The following HERC1 variants were observed in gnomAD, a reference collection of about 807,000 sequenced individuals.
The protein encoded by HERC1 is probable E3 ubiquitin-protein ligase HERC1.
In HERC1, 160 loss-of-function variants were observed where a neutral mutation model predicts 554.3. The ratio of observed to expected loss-of-function variants is 0.29; its 90% CI spans 0.25 to 0.33. HERC1 has a LOEUF of 0.33. Ranked by LOEUF, HERC1 falls within the 10% of genes least tolerant of loss-of-function variation. The pLI is 1.00. For missense variants in HERC1, 4,919 were observed against 5,918.5 expected, an observed-to-expected ratio of 0.83 and a Z score of 5.54; for synonymous variants, 2,175 against 2,131.7, an observed-to-expected ratio of 1.02 and a Z score of -0.56.
intron 48 of HERC1, among the ~76,000 whole-genome samples, chr15:63,656,611 C>G (rs2070054046): frequency 6.6e-6 from 1 of 152,144 alleles, no homozygotes; most frequent in Non-Finnish European, 1.5e-5. Flanking sequence ...CAGGAATGTT[C>G]ACAAAGCATA....
intron 71 of HERC1, 132 bp from the exon 72 acceptor site, chr15:63,624,459 G>A (rs990119695): frequency 1.1e-4 from 82 of 719,498 alleles, no homozygotes; most frequent in Non-Finnish European, 1.8e-4. Context: ...CACTTTGGGA[G>A]GCTGTGGTGG....
chr15:63,823,207 A>G (rs1461091661), intron 1 of HERC1, among the ~76,000 whole-genome samples: 9 of 152,088 alleles, frequency 5.9e-5, no homozygotes, highest in Non-Finnish European at 1.3e-4. Context: ...CTGTGTGTCC[A>G]TGTTTTCTCA....
chr15:63,775,320 C>A lies in HERC1; in HGVS notation c.304G>T (p.Ala102Ser). ...AGTACAAGCAGTCGTTTTCTAAGTGCCCCGGCAAATGGGGAATCTGAACAT... is the reference window on the plus strand; with the variant it reads ...AGTACAAGCAGTCGTTTTCTAAGTGACCCGGCAAATGGGGAATCTGAACAT... ...MVCSDSPFAG[A>S]LRKRLLVLQR... is the part of the protein sequence containing the mutation. Residue 102 changes from alanine to serine, a missense_variant, in exon 2 of 78, where the codon GCA becomes TCA. Ala to Ser is a moderately conservative substitution (Grantham distance 99). Coordinates refer to ENST00000443617, the MANE Select transcript of HERC1 (RefSeq NM_003922.4). The surrounding 1 kb of genome is among the most constrained non-coding windows in gnomAD (Gnocchi z 4.0). The A allele has an allele frequency of 6.2e-7, 1 of 1,613,984 alleles. No homozygotes were observed. The highest frequency in any genetic ancestry group is 8.5e-7 in the Non-Finnish European group (1 of 1,179,898).
intron 65 of HERC1, 21 bp downstream of exon 65, chr15:63,635,940 C>A: frequency 6.2e-7 from 1 of 1,610,690 alleles, no homozygotes; most frequent in South Asian, 1.1e-5. Flanking sequence ...GAAAGGCAAA[C>A]TTATCCATTT....
In HERC1 at chr15:63,747,025, C is replaced by A; in HGVS notation, c.2413G>T (p.Ala805Ser). The change falls in exon 12 of 78, where the codon GCA becomes TCA. Residue 805 changes from alanine (A) to serine (S), a missense_variant. Ala to Ser is a moderately conservative substitution (Grantham distance 99). Transcript: ENST00000443617. ...LKLLSNHLAL[A>S]LAGGVATSIL... The stretch of plus-strand genomic sequence containing the variant: ...CTGGTAGCTACCCCTCCCGCAAGTG[C>A]AAGAGCAAGGTGATTTGAAAGTAGC... The A allele has an allele frequency of 1.3e-6, 2 of 1,593,092 alleles. No individual in the cohort carries two copies. Among genetic ancestry groups the A allele is most frequent in the South Asian group, 1.2e-5 (1 of 86,912 alleles).
intron 47 of HERC1, 55 bp downstream of exon 47, chr15:63,659,681 G>A: frequency 3.1e-6 from 4 of 1,287,678 alleles, no homozygotes; most frequent in Non-Finnish European, 4.5e-6. Flanking sequence ...ACCTATCTAA[G>A]AAACAAATTA....
At chr15:63,664,395 CT>C in intron 43 of HERC1, 74 bp downstream of exon 43, 10 of 1,391,260 alleles carry the variant, frequency 7.2e-6, no homozygotes, top group Non-Finnish European at 9.9e-6. Flanking sequence ...TAGTTTGAAT[CT>C]TCTTTAATGT....
chr15:63,652,458 G>C lies in HERC1; in HGVS notation c.10374C>G (p.Thr3458=). 6.2e-7 allele frequency: 1 copy of C among 1,612,390 alleles called. No individual in the cohort carries two copies. ...TCTGTTGCAGTGAATATTGCTTCTT[G>C]GTAACATTCCATACGCGGATGGTGC... ...NDGTIRVWNV[T]KKQYSLQQTC... The change falls in exon 52 of 78, where the codon ACC becomes ACG. Residue 3458 remains threonine, a synonymous_variant. Coordinates refer to ENST00000443617, the MANE Select transcript of HERC1 (RefSeq NM_003922.4).
chr15:63,716,163 T>C (rs17187253), intron 22 of HERC1, 139 bp downstream of exon 22: 27,587 of 730,636 alleles, frequency 0.038, 733 homozygotes, highest in Non-Finnish European at 0.05. Context: ...TGTCAGCTAA[T>C]ACAAATTGAG....
chr15:63,660,966 A>G lies in HERC1; in HGVS notation c.9223+7T>C. On this transcript the variant is annotated splice_region_variant and intron_variant, in intron 46 of 77. Transcript: ENST00000443617. The stretch of plus-strand genomic sequence containing the variant: ...TGTAAAATAAAGAAGCTCTCAAAAC[A>G]AACTACCTTCATACACACTGTCTTG... The G allele has an allele frequency of 6.3e-7, 1 of 1,591,156 alleles. No individual in the cohort carries two copies. The highest frequency in any genetic ancestry group is 1.1e-5 in the South Asian group (1 of 90,344).
At chr15:63,689,779 G>A (rs940507351) in intron 32 of HERC1, 80 bp from the exon 33 acceptor site, 27 of 772,184 alleles carry the variant, frequency 3.5e-5, no homozygotes, top group Middle Eastern at 5.4e-4. Context: ...CATGTTAACT[G>A]TAATATTAAC....
At position 63,732,859 on chromosome 15, in the gene HERC1, A is replaced by C. The variant is rs928277780; in HGVS notation, c.2868+65T>G. The stretch of plus-strand genomic sequence containing the variant: ...CTATCATAGGTGTTTAAATGTCAAA[A>C]TACCTTGACTAAAGAGATCCCTACC... On this transcript the variant is annotated intron_variant, in intron 14 of 77. Transcript: ENST00000443617. 6.4e-6 allele frequency: 7 copies of C among 1,086,202 alleles called. No homozygotes were observed. The African/African-American group carries it at 1.1e-4, about 17-fold the overall frequency. The allele number at this position is 1,086,202 out of a possible 1,614,324, so 67.3% of individuals were successfully genotyped here. A position where few individuals can be genotyped will look rare whatever the true frequency, so the allele number is the denominator to read the frequency against.
At position 63,735,000 on chromosome 15, in the gene HERC1, G is replaced by A. The variant is rs1287352626; in HGVS notation, c.2521-151C>T. Among the ~76,000 whole-genome samples, 1 of 152,164 alleles carries A rather than the reference G, an allele frequency of 6.6e-6. No individual in the cohort carries two copies. Among genetic ancestry groups the A allele is most frequent in the Non-Finnish European group, 1.5e-5 (1 of 68,020 alleles). ...AAAGCATGCAAGTCCTCCTTCAGAT[G>A]TCTTTAAGAAGACTATGAATACATA... On this transcript the variant is annotated intron_variant, in intron 12 of 77. Coordinates refer to ENST00000443617, the MANE Select transcript of HERC1 (RefSeq NM_003922.4). The surrounding 1 kb of genome is among the most constrained non-coding windows in gnomAD (Gnocchi z 4.6).
intron 25 of HERC1, among the ~76,000 whole-genome samples, chr15:63,700,503 C>G (rs1184102750): frequency 2.0e-5 from 3 of 150,796 alleles, no homozygotes; most frequent in Admixed American, 6.6e-5. Flanking sequence ...TCAATTAAAC[C>G]CTAGGATTTC....
rs559898999 is a variant in HERC1 at position 63,709,650 on chromosome 15, C to A, written c.4585-2819G>T. 2.0e-5 allele frequency among the ~76,000 whole-genome samples: 3 copies of A among 152,254 alleles called. No individual in the cohort carries two copies. The South Asian group carries it at 6.2e-4, about 32-fold the overall frequency. On this transcript the variant is annotated intron_variant, in intron 24 of 77. Transcript: ENST00000443617. Reference sequence around the variant, plus strand: ...TCATAGCTGATTTCCCAAAAGTACACCACTTTAATTTTACCCATCCTCCTT... The same window carrying A: ...TCATAGCTGATTTCCCAAAAGTACAACACTTTAATTTTACCCATCCTCCTT...
intron 68 of HERC1, among the ~76,000 whole-genome samples, chr15:63,631,514 A>G (rs547754327): frequency 8.6e-4 from 130 of 151,986 alleles, no homozygotes; most frequent in Admixed American, 2.9e-3. Flanking sequence ...ACTCCTTTCA[A>G]AGCCAGCTCT....
rs1490039173 is a variant in HERC1 at position 63,694,627 on chromosome 15, A to G, written c.5243-78T>C. The G allele has an allele frequency of 3.5e-6, 5 of 1,436,428 alleles. No homozygotes were observed. Among genetic ancestry groups the G allele is most frequent in the Middle Eastern group, 1.9e-4 (1 of 5,390 alleles). The allele number at this position is 1,436,428 out of a possible 1,614,324, so 89.0% of individuals were successfully genotyped here. Reference sequence around the variant, plus strand: ...ATTAAAATGAATAATTTTCTAAAATATTAATAACATGAAACACTAAATTAT... The same window carrying G: ...ATTAAAATGAATAATTTTCTAAAATGTTAATAACATGAAACACTAAATTAT... On this transcript the variant is annotated intron_variant, in intron 28 of 77. Transcript: ENST00000443617. This position sits in a 1 kb window ranked among gnomAD's most constrained non-coding sequence, Gnocchi z 4.3.
intron 12 of HERC1, 130 bp downstream of exon 12, chr15:63,746,788 C>A: frequency 1.2e-6 from 1 of 802,268 alleles, no homozygotes; most frequent in Non-Finnish European, 1.9e-6. Context: ...ATACTCTCAC[C>A]AAGAAAACAG....
intron 34 of HERC1, among the ~76,000 whole-genome samples, chr15:63,685,730 T>C (rs765183872): frequency 2.6e-5 from 4 of 151,972 alleles, no homozygotes; most frequent in Non-Finnish European, 5.9e-5. Context: ...GATAAAGGAG[T>C]AGACTGTGCA....
Sources: gnomAD v4.1 joint callset for allele counts (sites outside exome capture counted in the v4.1 genomes callset) on GRCh38, gnomAD v4.1.1 for gene constraint, Gnocchi (gnomAD v3.1) non-coding constraint, MANE v1.5 for transcripts, NCBI Gene and HGNC (gene_info 2026-07-23, HGNC 2026-07-21) for gene names.